Variants in DLG2 observed in about 807,000 individuals in gnomAD.
DLG2 encodes the protein discs large MAGUK scaffold protein 2.
Under a neutral mutation model 132.5 loss-of-function variants are expected in DLG2, and 45 were observed. That is an observed-to-expected ratio of 0.34 (90% CI 0.27 to 0.44). DLG2 has a LOEUF of 0.44. Among genes scored for constraint, DLG2 ranks in the 20% least tolerant of loss-of-function variants. DLG2 has a pLI of 1.00. For synonymous variants in DLG2, 424 were observed against 419.6 expected, an observed-to-expected ratio of 1.01 and a Z score of -0.13; for missense variants, 1,045 against 1,196.9, an observed-to-expected ratio of 0.87 and a Z score of 1.87.
At chr11:85,035,432 T>C (rs2061360097) in intron 6 of DLG2, among the ~76,000 whole-genome samples, 1 of 152,098 alleles carries the variant, frequency 6.6e-6, no homozygotes, top group African/African-American at 2.4e-5. Flanking sequence ...CTTACAATCA[T>C]GGCAGAAGGT....
intron 5 of DLG2, among the ~76,000 whole-genome samples, chr11:85,142,184 TATTAA>T (rs2076536217): frequency 6.6e-6 from 1 of 151,836 alleles, no homozygotes; most frequent in Admixed American, 6.6e-5. Flanking sequence ...TTCTCCAATC[TATTAA>T]CACAAAATAT....
intron 7 of DLG2, among the ~76,000 whole-genome samples, chr11:84,379,363 A>G (rs1276922121): frequency 6.6e-6 from 1 of 152,100 alleles, no homozygotes; most frequent in African/African-American, 2.4e-5. Flanking sequence ...ACCAAATAAA[A>G]TTTCCAGAAA....
At chr11:84,062,850 C>T (rs2096613206) in intron 10 of DLG2, among the ~76,000 whole-genome samples, 1 of 151,864 alleles carries the variant, frequency 6.6e-6, no homozygotes, top group African/African-American at 2.4e-5. Flanking sequence ...TTCCCTTCCT[C>T]CCAGAAACTT....
intron 11 of DLG2, among the ~76,000 whole-genome samples, chr11:84,032,155 T>G (rs1601095): frequency 0.68 from 104,006 of 151,996 alleles, 36,731 homozygotes; most frequent in Non-Finnish European, 0.79. Flanking sequence ...AAATGTTCAA[T>G]TGAAAGGAGT....
At chr11:84,988,528 A>G (rs2056749328) in intron 6 of DLG2, among the ~76,000 whole-genome samples, 1 of 152,224 alleles carries the variant, frequency 6.6e-6, no homozygotes, top group Admixed American at 6.5e-5. Context: ...ATATGATGGA[A>G]TGCTACTCAG....
chr11:84,151,943 G>A (rs764109122), intron 9 of DLG2, among the ~76,000 whole-genome samples: 1 of 152,116 alleles, frequency 6.6e-6, no homozygotes, highest in Non-Finnish European at 1.5e-5. Flanking sequence ...TGCATTTATT[G>A]AGTCTTGCTT....
intron 3 of DLG2, chr11:85,453,220 A>G (rs1597449848): frequency 2.7e-6 from 1 of 370,728 alleles, no homozygotes; most frequent in East Asian, 6.8e-5. Flanking sequence ...ACAGCATCCA[A>G]ATTATTATCT....
At chr11:84,307,902 G>A (rs926284912) in intron 7 of DLG2, among the ~76,000 whole-genome samples, 2 of 152,020 alleles carry the variant, frequency 1.3e-5, no homozygotes, top group African/African-American at 4.8e-5. Context: ...GGCGCGTCTG[G>A]AGTTGTTCGT....
intron 4 of DLG2, among the ~76,000 whole-genome samples, chr11:85,272,603 A>T (rs188714699): frequency 2.0e-5 from 3 of 152,296 alleles, no homozygotes; most frequent in African/African-American, 7.2e-5. Context: ...ACGAAATAAA[A>T]GAGGACACAA....
chr11:84,265,608 C>T (rs1275865304), intron 7 of DLG2, among the ~76,000 whole-genome samples: 1 of 151,998 alleles, frequency 6.6e-6, no homozygotes, highest in African/African-American at 2.4e-5. Context: ...ACTCGTCTTG[C>T]CTAATTGTGA....
chr11:84,432,055 A>T (rs1435810873), intron 7 of DLG2, among the ~76,000 whole-genome samples: 3 of 152,242 alleles, frequency 2.0e-5, no homozygotes, highest in African/African-American at 4.8e-5. Flanking sequence ...AAATCTACTG[A>T]GGATTGTAGA....
chr11:84,425,526 A>C (rs2098963623), intron 7 of DLG2, among the ~76,000 whole-genome samples: 1 of 152,156 alleles, frequency 6.6e-6, no homozygotes, highest in African/African-American at 2.4e-5. Flanking sequence ...AGCCTTTGTA[A>C]ATTCTACATA....
In DLG2 at chr11:84,121,541, A is replaced by ATT. The variant is rs869183421; in HGVS notation, c.625-22496_625-22495dup. 2.7e-3 allele frequency among the ~76,000 whole-genome samples: 183 copies of ATT among 66,672 alleles called. 17 individuals are homozygous for ATT. Among genetic ancestry groups the ATT allele is most frequent in the East Asian group, 6.9e-3 (16 of 2,306 alleles). 43.7% of individuals were successfully genotyped at this position (66,672 alleles called of 152,430 possible). ...TTACTCTCACTTATATTCCTTGCTA[A>ATT]TTTTTTTTTTTTTTTTTTTTTTTTT... On this transcript the variant is annotated intron_variant, in intron 9 of 27. Transcript: ENST00000376104.
At position 83,646,378 on chromosome 11, in the gene DLG2, G is replaced by A. The variant is rs76490219; in HGVS notation, c.1826-13053C>T. Reference sequence around the variant, plus strand: ...GAAACAGAGAGAGAGAGAGAGAGAGGAAGGAAGGAAGGGAGGGAGGGAAAG... The same window carrying A: ...GAAACAGAGAGAGAGAGAGAGAGAGAAAGGAAGGAAGGGAGGGAGGGAAAG... On this transcript the variant is annotated intron_variant, in intron 18 of 27. Coordinates refer to ENST00000376104, the MANE Select transcript of DLG2 (RefSeq NM_001142699.3). Among the ~76,000 whole-genome samples, 812 of 138,944 alleles carry A rather than the reference G, an allele frequency of 5.8e-3. 10 individuals are homozygous for A. The highest frequency in any genetic ancestry group is 0.025 in the African/African-American group (769 of 30,812). 91.2% of individuals were successfully genotyped at this position (138,944 alleles called of 152,430 possible).
intron 3 of DLG2, among the ~76,000 whole-genome samples, chr11:85,411,784 G>T (rs967742297): frequency 6.6e-6 from 1 of 151,728 alleles, no homozygotes; most frequent in Non-Finnish European, 1.5e-5. Flanking sequence ...AGAAATATGA[G>T]AATTCCAATA....
Position 85,626,623 on chromosome 11 carries a change from G to C in DLG2, c.-129C>G, listed in dbSNP as rs575056188. On this transcript the variant is annotated 5_prime_UTR_variant, in exon 2 of 28. Transcript: ENST00000376104. Reference sequence around the variant, plus strand: ...CCTGTCTTCTTGACTGGCATTCTTGGGTCTTTCCACTGCCACAGGAGTCAA... The same window carrying C: ...CCTGTCTTCTTGACTGGCATTCTTGCGTCTTTCCACTGCCACAGGAGTCAA... 5 of 152,190 alleles carry C rather than the reference G, an allele frequency of 3.3e-5. No individual in the cohort carries two copies. The South Asian group carries it at 1.0e-3, about 32-fold the overall frequency. 9.4% of individuals were successfully genotyped at this position (152,190 alleles called of 1,614,324 possible).
chr11:84,882,787 T>A (rs1355361241), intron 6 of DLG2, among the ~76,000 whole-genome samples: 1 of 152,122 alleles, frequency 6.6e-6, no homozygotes, highest in Non-Finnish European at 1.5e-5. Flanking sequence ...AGAATCCTTG[T>A]ATTCAGATGA....
intron 6 of DLG2, among the ~76,000 whole-genome samples, chr11:84,769,690 A>C (rs1038317714): frequency 1.3e-5 from 2 of 152,190 alleles, no homozygotes; most frequent in Non-Finnish European, 2.9e-5. Context: ...CAGACTGTTT[A>C]TGGTCAATGC....
intron 6 of DLG2, among the ~76,000 whole-genome samples, chr11:84,965,386 A>G (rs777778724): frequency 2.0e-5 from 3 of 152,050 alleles, no homozygotes; most frequent in Non-Finnish European, 2.9e-5. Context: ...TCACAGAAGT[A>G]AGGACACAAT....
Sources: gnomAD v4.1 joint callset for allele counts (sites outside exome capture counted in the v4.1 genomes callset) on GRCh38, gnomAD v4.1.1 for gene constraint, MANE v1.5 for transcripts, NCBI Gene and HGNC (gene_info 2026-07-23, HGNC 2026-07-21) for gene names.